The following CCDC148 variants were observed in gnomAD, a reference collection of about 807,000 sequenced individuals.
CCDC148 encodes coiled-coil domain-containing protein 148.
A neutral mutation model predicts 85.7 loss-of-function variants in CCDC148; 89 were observed. The observed-to-expected ratio is 1.04, with a 90% CI of 0.87 to 1.24. CCDC148 has a LOEUF of 1.24. Ranked by LOEUF, CCDC148 falls within the 50% of genes most tolerant of loss-of-function variation. CCDC148 has a pLI of 0.00. For synonymous variants in CCDC148, 230 were observed against 213.9 expected, an observed-to-expected ratio of 1.08 and a Z score of -0.66; for missense variants, 692 against 671.7, an observed-to-expected ratio of 1.03 and a Z score of -0.33.
intron 1 of CCDC148, among the ~76,000 whole-genome samples, chr2:158,377,279 GT>G (rs1470062318): frequency 2.7e-5 from 4 of 150,892 alleles, no homozygotes; most frequent in African/African-American, 7.3e-5. Context: ...TGTCGATGGT[GT>G]GGGGGGGGTG....
chr2:158,274,724 GT>G (rs1236606605), intron 9 of CCDC148, among the ~76,000 whole-genome samples: 1 of 152,160 alleles, frequency 6.6e-6, no homozygotes, highest in Non-Finnish European at 1.5e-5. Context: ...CATCCAACAA[GT>G]TTATAGCAGG....
intron 7 of CCDC148, among the ~76,000 whole-genome samples, chr2:158,337,657 G>C (rs1173477698): frequency 6.6e-5 from 10 of 152,156 alleles, no homozygotes. Context: ...AAAGGTGTGT[G>C]ATGTGGAGAA....
rs141810507 is a variant in CCDC148, at chr2:158,217,336, G to GTATA, written c.1370+3255_1370+3258dup. Among the ~76,000 whole-genome samples, 572 of 137,666 alleles carry GTATA rather than the reference G, an allele frequency of 4.2e-3. 8 individuals are homozygous for GTATA. Among genetic ancestry groups the GTATA allele is most frequent in the African/African-American group, 0.014 (517 of 36,174 alleles). 90.3% of individuals were successfully genotyped at this position (137,666 alleles called of 152,430 possible). A position where few individuals can be genotyped will look rare whatever the true frequency, so the allele number is the denominator to read the frequency against. ...TATATATATATATATATAATTTTGT[G>GTATA]TATATATATATATATATATAAAATT... On this transcript the variant is annotated intron_variant, in intron 11 of 13. Coordinates refer to ENST00000283233, the MANE Select transcript of CCDC148 (RefSeq NM_138803.4).
At chr2:158,408,052 C>T (rs1414794296) in intron 1 of CCDC148, among the ~76,000 whole-genome samples, 1 of 152,066 alleles carries the variant, frequency 6.6e-6, no homozygotes, top group African/African-American at 2.4e-5. Context: ...CCATTCAAAA[C>T]ACTTTATATA....
chr2:158,245,014 T>C (rs1574477064), intron 10 of CCDC148, among the ~76,000 whole-genome samples: 1 of 152,190 alleles, frequency 6.6e-6, no homozygotes, highest in Non-Finnish European at 1.5e-5. Flanking sequence ...GAACAGATTT[T>C]ATAATGTCAT....
chr2:158,271,510 T>C (rs544076637), intron 9 of CCDC148, among the ~76,000 whole-genome samples: 2 of 152,286 alleles, frequency 1.3e-5, no homozygotes, highest in South Asian at 4.1e-4. Flanking sequence ...TGCCCATTAG[T>C]CACTTTGCAG....
chr2:158,397,706 A>C (rs1275970028), intron 1 of CCDC148, among the ~76,000 whole-genome samples: 1 of 152,198 alleles, frequency 6.6e-6, no homozygotes, highest in Non-Finnish European at 1.5e-5. Context: ...AGACACTATG[A>C]AGAAACTGCA....
intron 1 of CCDC148, among the ~76,000 whole-genome samples, chr2:158,440,883 T>C (rs942188941): frequency 6.6e-6 from 1 of 152,088 alleles, no homozygotes; most frequent in African/African-American, 2.4e-5. Context: ...TTCAATAGCC[T>C]ATTAAAAAGA....
chr2:158,424,883 A>T (rs965074155), intron 1 of CCDC148: 1 of 259,322 alleles, frequency 3.9e-6, no homozygotes, highest in African/African-American at 2.2e-5. Context: ...GTTTTCTCAC[A>T]TATATAGATG....
Position 158,224,795 on chromosome 2 carries a change from T to C in CCDC148, c.1252-4082A>G, listed in dbSNP as rs545780082. ...ACCAGGCCTGCCCTAAAAGAGCTCC[T>C]AAAGGAAGCACTAAACATGGAAAGG... On this transcript the variant is annotated intron_variant, in intron 10 of 13. Transcript: ENST00000283233. Among the ~76,000 whole-genome samples, 18 of 152,214 alleles carry C rather than the reference T, an allele frequency of 1.2e-4. No individual in the cohort carries two copies. The East Asian group carries it at 3.3e-3, about 28-fold the overall frequency.
At chr2:158,176,029 C>A (rs188442814) in intron 13 of CCDC148, among the ~76,000 whole-genome samples, 122 of 152,062 alleles carry the variant, frequency 8.0e-4, no homozygotes, top group Middle Eastern at 6.8e-3. Flanking sequence ...TTAAATAAGC[C>A]CTTAACACCT....
In CCDC148 at chr2:158,275,180, T is replaced by A. The variant is rs191657047; in HGVS notation, c.1111-24268A>T. Among the ~76,000 whole-genome samples the A allele has an allele frequency of 1.8e-3, 270 of 152,344 alleles. 3 individuals carry two copies. Among genetic ancestry groups the A allele is most frequent in the African/African-American group, 6.4e-3 (265 of 41,592 alleles). On this transcript the variant is annotated intron_variant, in intron 9 of 13. Coordinates refer to ENST00000283233, the MANE Select transcript of CCDC148 (RefSeq NM_138803.4). ...TTGGGAAATGCCATCGCTAAGAATC[T>A]GTAGAATAAATTCTAGTCCCAAATC... is the stretch of plus-strand genomic sequence containing the variant.
chr2:158,393,795 G>T (rs1685416191), intron 1 of CCDC148, among the ~76,000 whole-genome samples: 2 of 152,140 alleles, frequency 1.3e-5, no homozygotes, highest in African/African-American at 2.4e-5. Flanking sequence ...CATTGCTATA[G>T]ATAACCTTTC....
chr2:158,250,969 A>G, intron 9 of CCDC148, 57 bp from the exon 10 acceptor site: 1 of 1,496,700 alleles, frequency 6.7e-7, no homozygotes, highest in Non-Finnish European at 9.0e-7. Context: ...GTTATTTCAT[A>G]GGTCATAATA....
chr2:158,309,778 C>T (rs1691887973), intron 8 of CCDC148, 139 bp from the exon 9 acceptor site: 1 of 699,328 alleles, frequency 1.4e-6, no homozygotes, highest in Admixed American at 3.1e-5. Context: ...ATCGTAAATA[C>T]AGCAACCAGA....
chr2:158,277,304 C>T lies in CCDC148; in HGVS notation c.1111-26392G>A, dbSNP rs543610875. 4.6e-5 allele frequency among the ~76,000 whole-genome samples: 7 copies of T among 152,240 alleles called. No homozygotes were observed. The South Asian group carries it at 1.5e-3, about 32-fold the overall frequency. ...GGGTTGGCTATTTCATGCAAAAAGTCCTTTAAAGGATTTGGCCTACATTTC... is the reference window on the plus strand; with the variant it reads ...GGGTTGGCTATTTCATGCAAAAAGTTCTTTAAAGGATTTGGCCTACATTTC... On this transcript the variant is annotated intron_variant, in intron 9 of 13. Coordinates refer to ENST00000283233, the MANE Select transcript of CCDC148 (RefSeq NM_138803.4).
chr2:158,361,404 A>G (rs1683940042), intron 1 of CCDC148, among the ~76,000 whole-genome samples: 1 of 152,142 alleles, frequency 6.6e-6, no homozygotes, highest in Non-Finnish European at 1.5e-5. Context: ...TGAAGGAAAA[A>G]ATGTTAAGGG....
At chr2:158,379,043 T>C (rs1244118924) in intron 1 of CCDC148, among the ~76,000 whole-genome samples, 1 of 152,180 alleles carries the variant, frequency 6.6e-6, no homozygotes, top group African/African-American at 2.4e-5. Context: ...CCATAGATAG[T>C]AATTCCTCTG....
intron 11 of CCDC148, among the ~76,000 whole-genome samples, chr2:158,206,556 A>G (rs1277444818): frequency 2.0e-5 from 3 of 152,256 alleles, no homozygotes; most frequent in Non-Finnish European, 2.9e-5. Flanking sequence ...TGTAATTTCA[A>G]TAGGATGATT....
Sources: allele counts gnomAD v4.1 joint callset (sites outside exome capture counted in the v4.1 genomes callset), GRCh38; gene constraint gnomAD v4.1.1; transcripts MANE v1.5; gene names NCBI Gene and HGNC (gene_info 2026-07-23, HGNC 2026-07-21).